The following CSMD1 variants were observed in gnomAD, a reference collection of about 807,000 sequenced individuals.
CSMD1 encodes CUB and Sushi multiple domains 1, also known as CUB and sushi domain-containing protein 1.
Under a neutral mutation model 417.5 loss-of-function variants are expected in CSMD1, and 213 were observed. The observed-to-expected ratio is 0.51, with a 90% CI of 0.46 to 0.57. The LOEUF is 0.57. Ranked by LOEUF, CSMD1 falls within the 20% of genes least tolerant of loss-of-function variation. CSMD1 has a pLI of 0.00. For missense variants in CSMD1, 6,923 were observed against 4,529.7 expected, an observed-to-expected ratio of 1.53 and a Z score of -15.17; for synonymous variants, 2,862 against 1,736.8, an observed-to-expected ratio of 1.65 and a Z score of -16.11.
chr8:4,550,436 A>C (rs991787511), intron 2 of CSMD1, among the ~76,000 whole-genome samples: 1 of 152,048 alleles, frequency 6.6e-6, no homozygotes, highest in South Asian at 2.1e-4. Flanking sequence ...GCTATTAAAA[A>C]AACTGTAAAC....
chr8:3,931,954 G>T (rs954777807), intron 5 of CSMD1, among the ~76,000 whole-genome samples: 1 of 148,988 alleles, frequency 6.7e-6, no homozygotes, highest in Non-Finnish European at 1.5e-5. Context: ...AATCTAAAAA[G>T]GACTTTTTAA....
chr8:3,569,814 G>T (rs1313558450), intron 10 of CSMD1, among the ~76,000 whole-genome samples: 1 of 152,166 alleles, frequency 6.6e-6, no homozygotes, highest in African/African-American at 2.4e-5. Flanking sequence ...GCCTTCAGGT[G>T]TCTAAGTGGT....
intron 11 of CSMD1, among the ~76,000 whole-genome samples, chr8:3,485,620 T>G (rs1817984992): frequency 6.7e-6 from 1 of 150,310 alleles, no homozygotes. Context: ...ATGAGCTGGG[T>G]GTGGTGGCGC....
In CSMD1 at chr8:4,370,217, G is replaced by GA. The variant is rs1563102971; in HGVS notation, c.415+49735dup. Among the ~76,000 whole-genome samples, 162 of 152,284 alleles carry GA rather than the reference G, an allele frequency of 1.1e-3. 1 individual carries two copies. Among genetic ancestry groups the GA allele is most frequent in the African/African-American group, 3.7e-3 (154 of 41,568 alleles). ...TTGCTTATGAAGGTTAGTTTGGTGA[G>GA]ATACGAAATTCTTGTTTGGAATTAC... On this transcript the variant is annotated intron_variant, in intron 3 of 69. Transcript: ENST00000635120.
At chr8:4,708,051 C>G (rs371231453) in intron 1 of CSMD1, among the ~76,000 whole-genome samples, 11 of 152,084 alleles carry the variant, frequency 7.2e-5, no homozygotes, top group Admixed American at 1.3e-4. Context: ...TCAAGTGATC[C>G]TACTACCTCA....
rs142863871 is a variant in CSMD1 at position 4,007,570 on chromosome 8, G to T, written c.611-9460C>A. On this transcript the variant is annotated intron_variant, in intron 4 of 69. Transcript: ENST00000635120. ...TCTCCATCCTGTATGCTTACCTCTC[G>T]GTGCGTGCTGAGTGCAAAGCAATGG... 2.8e-3 allele frequency among the ~76,000 whole-genome samples: 421 copies of T among 152,234 alleles called. 9 individuals are homozygous for T. The highest frequency in any genetic ancestry group is 0.023 in the Admixed American group (358 of 15,298).
chr8:4,790,601 C>A (rs1283820545), intron 1 of CSMD1, among the ~76,000 whole-genome samples: 3 of 152,136 alleles, frequency 2.0e-5, no homozygotes, highest in African/African-American at 4.8e-5. Context: ...GCTACAGTAA[C>A]TAAAACAGCA....
chr8:3,191,318 T>A (rs975940135), intron 33 of CSMD1, among the ~76,000 whole-genome samples: 1 of 152,096 alleles, frequency 6.6e-6, no homozygotes, highest in Non-Finnish European at 1.5e-5. Flanking sequence ...TAGCCGGGCA[T>A]GGTGGCACAT....
intron 5 of CSMD1, among the ~76,000 whole-genome samples, chr8:3,979,875 T>C (rs1459566152): frequency 6.6e-6 from 1 of 152,188 alleles, no homozygotes; most frequent in Non-Finnish European, 1.5e-5. Flanking sequence ...CTGTAGACAG[T>C]CACAAATAAA....
intron 4 of CSMD1, among the ~76,000 whole-genome samples, chr8:4,027,150 T>G (rs1455419978): frequency 6.6e-6 from 1 of 152,114 alleles, no homozygotes; most frequent in Non-Finnish European, 1.5e-5. Flanking sequence ...CACTACCAGG[T>G]GGAATTGCAC....
At chr8:3,318,195 A>ATTT (rs1805905964) in intron 23 of CSMD1, among the ~76,000 whole-genome samples, 1 of 152,190 alleles carries the variant, frequency 6.6e-6, no homozygotes, top group Admixed American at 6.5e-5. Context: ...TTCTATTTTT[A>ATTT]TTTATGAAAT....
chr8:4,377,937 G>T (rs970815602), intron 3 of CSMD1, among the ~76,000 whole-genome samples: 1 of 152,136 alleles, frequency 6.6e-6, no homozygotes, highest in African/African-American at 2.4e-5. Flanking sequence ...TTAACAAATG[G>T]CCCTCATAAT....
intron 2 of CSMD1, among the ~76,000 whole-genome samples, chr8:4,626,144 T>C (rs1802096944): frequency 6.6e-6 from 1 of 152,194 alleles, no homozygotes; most frequent in Non-Finnish European, 1.5e-5. Flanking sequence ...CTATCTCCTT[T>C]ACAAAGCTAT....
chr8:3,414,651 C>T (rs1010553559), intron 12 of CSMD1, among the ~76,000 whole-genome samples: 15 of 152,166 alleles, frequency 9.9e-5, no homozygotes, highest in African/African-American at 1.4e-4. Flanking sequence ...AGATCCTATC[C>T]AGGACTCAGG....
intron 37 of CSMD1, among the ~76,000 whole-genome samples, chr8:3,179,202 C>T (rs968267745): frequency 1.3e-5 from 2 of 151,956 alleles, no homozygotes; most frequent in East Asian, 3.9e-4. Context: ...GCCTTGGCCT[C>T]CCAAAGTGCT....
At chr8:3,476,985 AG>A (rs1237077936) in intron 11 of CSMD1, among the ~76,000 whole-genome samples, 5 of 151,940 alleles carry the variant, frequency 3.3e-5, no homozygotes, top group Non-Finnish European at 7.4e-5. Flanking sequence ...GTCAACACAA[AG>A]GGATACTACA....
intron 3 of CSMD1, among the ~76,000 whole-genome samples, chr8:4,236,055 T>TTTTTTTTTG (rs1802037675): frequency 4.8e-5 from 4 of 83,744 alleles, no homozygotes; most frequent in Non-Finnish European, 7.8e-5. Context: ...TTTTTTTTTT[T>TTTTTTTTTG]TTTTTTTTTT....
At chr8:4,268,462 T>C (rs909601368) in intron 3 of CSMD1, among the ~76,000 whole-genome samples, 6 of 152,186 alleles carry the variant, frequency 3.9e-5, no homozygotes, top group Non-Finnish European at 5.9e-5. Context: ...TACTGAAAGG[T>C]AGTATCGCTG....
chr8:3,238,355 A>G (rs780581448), intron 26 of CSMD1, among the ~76,000 whole-genome samples: 1 of 152,154 alleles, frequency 6.6e-6, no homozygotes, highest in Non-Finnish European at 1.5e-5. Context: ...GGATGTGTAC[A>G]TGCAGGTCAC....
Sources: gnomAD v4.1 joint callset for allele counts (sites outside exome capture counted in the v4.1 genomes callset) on GRCh38, gnomAD v4.1.1 for gene constraint, MANE v1.5 for transcripts, NCBI Gene and HGNC (gene_info 2026-07-23, HGNC 2026-07-21) for gene names.